Variants in HDX observed in about 807,000 individuals in gnomAD.
HDX encodes the protein highly divergent homeobox.
A neutral mutation model predicts 45.2 loss-of-function variants in HDX; 19 were observed. That is an observed-to-expected ratio of 0.42 (90% CI 0.29 to 0.62). The LOEUF (loss-of-function observed/expected upper bound fraction) is 0.62. Ranked by LOEUF, HDX falls within the 20% of genes least tolerant of loss-of-function variation. The probability of loss-of-function intolerance (pLI) is 0.20; values close to 1 mark genes in which losing one functional copy is unlikely to be tolerated. For missense variants in HDX, 532 were observed against 493.9 expected (o/e 1.08, Z -0.73); for synonymous variants, 188 against 172.8 (o/e 1.09, Z -0.69).
At chrX:84,436,464 G>A (rs951806252) in intron 5 of HDX, among the ~76,000 whole-genome samples, 5 of 111,511 alleles carry the variant, frequency 4.5e-5, no homozygotes, top group African/African-American at 1.6e-4. Context: ...GACATTTATT[G>A]CTATTAACTT....
At chrX:84,330,843 T>C (rs945658242) in intron 9 of HDX, among the ~76,000 whole-genome samples, 1 of 112,269 alleles carries the variant, frequency 8.9e-6, no homozygotes, top group African/African-American at 3.2e-5. Flanking sequence ...AGAGCTGCTT[T>C]GCAAGCCTAT....
At chrX:84,476,813 C>T (rs1444882512) in intron 2 of HDX, among the ~76,000 whole-genome samples, 1 of 111,582 alleles carries the variant, frequency 9.0e-6, no homozygotes, top group African/African-American at 3.3e-5. Context: ...ACTTTCTTGT[C>T]CGCACAAGCA....
At chrX:84,491,626 T>A (rs1226904262) in intron 1 of HDX, among the ~76,000 whole-genome samples, 1 of 111,816 alleles carries the variant, frequency 8.9e-6, no homozygotes, top group Non-Finnish European at 1.9e-5. Context: ...TTTTGGGTAC[T>A]GTCTGTTTTT....
intron 9 of HDX, among the ~76,000 whole-genome samples, chrX:84,328,324 A>G (rs1312951525): frequency 4.5e-5 from 5 of 111,096 alleles, no homozygotes; most frequent in Non-Finnish European, 9.4e-5. Flanking sequence ...GTGAGCCATG[A>G]TCATACCACT....
In HDX at chrX:84,349,525, G is replaced by GTA. The variant is rs781167267; in HGVS notation, c.1453-5070_1453-5069dup. Among the ~76,000 whole-genome samples, 44 of 91,331 alleles carry GTA rather than the reference G, an allele frequency of 4.8e-4. 1 individual carries two copies. Among genetic ancestry groups the GTA allele is most frequent in the Middle Eastern group, 5.9e-3 (1 of 169 alleles). 79.3% of individuals were successfully genotyped at this position (91,331 alleles called of 115,157 possible). A position where few individuals can be genotyped will look rare whatever the true frequency, so the allele number is the denominator to read the frequency against. On this transcript the variant is annotated intron_variant, in intron 6 of 10. Transcript: ENST00000373177. ...TACATATATGTATAAATGTGTGTGT[G>GTA]TATATATATATATACACACATACAT... is the stretch of plus-strand genomic sequence containing the variant.
chrX:84,393,236 G>T (rs950932312), intron 5 of HDX, among the ~76,000 whole-genome samples: 5 of 111,211 alleles, frequency 4.5e-5, no homozygotes, highest in Non-Finnish European at 9.5e-5. Context: ...AAGGGATGTT[G>T]AAGTTTATCA....
chrX:84,483,037 G>T lies in HDX; in HGVS notation c.-1+4987C>A, dbSNP rs186655251. 3.6e-5 allele frequency among the ~76,000 whole-genome samples: 4 copies of T among 112,159 alleles called. No individual in the cohort carries two copies. In the Admixed American group the frequency reaches 3.8e-4, roughly 11 times the overall value. ...CCTTTGACTCCATGTCCCACATTCA[G>T]GTTATGCTGATGCAAGGAGTGGGCA... On this transcript the variant is annotated intron_variant, in intron 2 of 10. Coordinates refer to ENST00000373177, the MANE Select transcript of HDX (RefSeq NM_001177479.2).
chrX:84,485,885 A>C (rs1318417898), intron 2 of HDX, among the ~76,000 whole-genome samples: 3 of 111,936 alleles, frequency 2.7e-5, no homozygotes, highest in Non-Finnish European at 5.6e-5. Flanking sequence ...CTTTGTTTTG[A>C]TTGCTGTACC....
chrX:84,419,873 C>A (rs1394291722), intron 5 of HDX, among the ~76,000 whole-genome samples: 1 of 111,945 alleles, frequency 8.9e-6, no homozygotes, highest in African/African-American at 3.3e-5. Context: ...AATTCTCTGC[C>A]TGGTAATCCA....
intron 6 of HDX, among the ~76,000 whole-genome samples, chrX:84,353,061 A>G (rs2037396999): frequency 8.9e-6 from 1 of 112,199 alleles, no homozygotes; most frequent in Admixed American, 9.5e-5. Context: ...AAAATGTACA[A>G]TGATAAAGGT....
At chrX:84,400,306 C>T (rs1358849372) in intron 5 of HDX, among the ~76,000 whole-genome samples, 1 of 109,545 alleles carries the variant, frequency 9.1e-6, no homozygotes, top group Non-Finnish European at 1.9e-5. Flanking sequence ...TAGAAAACTC[C>T]ATAGTCTCAG....
At chrX:84,452,537 CA>C (rs58737273) in intron 4 of HDX, among the ~76,000 whole-genome samples, 1,076 of 53,816 alleles carry the variant, frequency 0.02, 18 homozygotes, top group African/African-American at 0.059. Flanking sequence ...AAGCTCATTA[CA>C]AAAAAAAAAA....
intron 6 of HDX, among the ~76,000 whole-genome samples, chrX:84,354,519 A>G (rs1365124673): frequency 9.0e-6 from 1 of 110,818 alleles, no homozygotes; most frequent in African/African-American, 3.3e-5. Flanking sequence ...GGTGAATATA[A>G]TAGGTATAGT....
In HDX at chrX:84,398,191, G is replaced by A. The variant is rs558083256; in HGVS notation, c.1306-36579C>T. Reference sequence around the variant, plus strand: ...AACTAGTGTGCAAAATAACCAGATAGCATCATGATGACAGATCAAATTTAC... The same window carrying A: ...AACTAGTGTGCAAAATAACCAGATAACATCATGATGACAGATCAAATTTAC... On this transcript the variant is annotated intron_variant, in intron 5 of 10. Coordinates refer to ENST00000373177, the MANE Select transcript of HDX (RefSeq NM_001177479.2). Among the ~76,000 whole-genome samples the A allele has an allele frequency of 2.2e-3, 241 of 110,729 alleles. 2 individuals are homozygous for A. The highest frequency in any genetic ancestry group is 7.6e-3 in the African/African-American group (232 of 30,419).
At chrX:84,473,163 T>C (rs1335107132) in intron 3 of HDX, among the ~76,000 whole-genome samples, 1 of 109,751 alleles carries the variant, frequency 9.1e-6, no homozygotes, top group Non-Finnish European at 1.9e-5. Flanking sequence ...TTCTTGTTTT[T>C]TTTACACCAG....
chrX:84,336,272 A>G (rs1381539552), intron 8 of HDX, among the ~76,000 whole-genome samples: 1 of 111,149 alleles, frequency 9.0e-6, no homozygotes, highest in African/African-American at 3.3e-5. Flanking sequence ...AACATTTAAT[A>G]CTGTCTTTCT....
chrX:84,463,979 G>A (rs191130441), intron 4 of HDX, among the ~76,000 whole-genome samples: 28 of 111,385 alleles, frequency 2.5e-4, no homozygotes, highest in African/African-American at 9.1e-4. Flanking sequence ...TTTCTAGATA[G>A]TTTGATACTA....
At chrX:84,383,743 T>C (rs1191896851) in intron 5 of HDX, among the ~76,000 whole-genome samples, 3 of 111,603 alleles carry the variant, frequency 2.7e-5, no homozygotes, top group Non-Finnish European at 5.7e-5. Context: ...ATTGTTCCCA[T>C]GTTTATGTCC....
intron 6 of HDX, among the ~76,000 whole-genome samples, chrX:84,352,406 G>A (rs1378358628): frequency 8.9e-6 from 1 of 111,903 alleles, no homozygotes; most frequent in African/African-American, 3.2e-5. Context: ...AATTTTCTTA[G>A]CTTTGATAAT....
Sources: gnomAD v4.1 joint callset for allele counts (sites outside exome capture counted in the v4.1 genomes callset) on GRCh38, gnomAD v4.1.1 for gene constraint, MANE v1.5 for transcripts, NCBI Gene and HGNC (gene_info 2026-07-23, HGNC 2026-07-21) for gene names.